The following SHROOM3 variants were observed in gnomAD, a reference collection of about 807,000 sequenced individuals.
The protein encoded by SHROOM3 is protein Shroom3.
A neutral mutation model predicts 138.6 loss-of-function variants in SHROOM3; 47 were observed. The observed-to-expected ratio is 0.34, with a 90% CI of 0.27 to 0.43. The LOEUF (loss-of-function observed/expected upper bound fraction) is 0.43. SHROOM3 is among the 20% of genes least tolerant of loss of function. SHROOM3 has a pLI of 1.00. For synonymous variants in SHROOM3, 1,062 were observed against 1,063.3 expected, an observed-to-expected ratio of 1.00 and a Z score of 0.02; for missense variants, 2,491 against 2,596.5, an observed-to-expected ratio of 0.96 and a Z score of 0.88.
chr4:76,567,679 C>A lies in SHROOM3; in HGVS notation c.323+11916C>A, dbSNP rs1733755220. 2.0e-5 allele frequency among the ~76,000 whole-genome samples: 3 copies of A among 151,956 alleles called. No individual in the cohort carries two copies. In the South Asian group the frequency reaches 6.2e-4, roughly 32 times the overall value. ...AAATTAATAAATAACTAAAAAGATT[C>A]TTTGGAATGTTTCTTTAAAGGTGTC... is the stretch of plus-strand genomic sequence containing the variant. On this transcript the variant is annotated intron_variant, in intron 2 of 10. Coordinates refer to ENST00000296043, the MANE Select transcript of SHROOM3 (RefSeq NM_020859.4).
rs1018472960 is a variant in SHROOM3 at position 76,740,626 on chromosome 4, C to T, written c.2453C>T (p.Ser818Phe). ...NYRPHRTVST[S>F]STSGNDFEET... ...AGGCCCCACAGGACCGTCTCAACTT[C>T]CAGTACTTCTGGGAATGACTTCGAG... Residue 818 changes from serine (S) to phenylalanine (F), a missense_variant, in exon 5 of 11, where the codon TCC becomes TTC. By Grantham distance (155) the Ser-to-Phe change is radical (BLOSUM62 -2). This residue lies in a region of SHROOM3 where 1,733 missense variants were observed against 1,661.6 expected (regional missense o/e 1.04). Coordinates refer to ENST00000296043, the MANE Select transcript of SHROOM3 (RefSeq NM_020859.4). This position sits in a 1 kb window ranked among gnomAD's most constrained non-coding sequence, Gnocchi z 4.0. 3 of 1,614,086 alleles carry T rather than the reference C, an allele frequency of 1.9e-6. No individual in the cohort carries two copies. The highest frequency in any genetic ancestry group is 2.5e-6 in the Non-Finnish European group (3 of 1,180,048).
At chr4:76,688,993 T>TA in intron 2 of SHROOM3, 2 of 922,504 alleles carry the variant, frequency 2.2e-6, no homozygotes, top group Non-Finnish European at 2.6e-6. Flanking sequence ...GTGAACTTTT[T>TA]ACCTTGCTTC....
intron 4 of SHROOM3, among the ~76,000 whole-genome samples, chr4:76,736,875 C>G (rs941097836): frequency 6.6e-6 from 1 of 152,276 alleles, no homozygotes; most frequent in East Asian, 1.9e-4. Flanking sequence ...TTCAGCAACC[C>G]CCACCAGAGT....
Position 76,710,172 on chromosome 4 carries a change from C to G in SHROOM3, c.340C>G (p.Pro114Ala), listed in dbSNP as rs1560598297. The stretch of plus-strand genomic sequence containing the variant: ...TGTTGACAGAGATGTGTGCACAGAC[C>G]CAGGCCATGCAGATACTGGTGCCTC... ...LVVRRDVCTDPGHADTGASNF... is the reference protein window; with the variant it reads ...LVVRRDVCTDAGHADTGASNF... Residue 114 changes from proline (P) to alanine (A), a missense_variant, in exon 3 of 11, where the codon CCA (proline) becomes GCA (alanine). Pro to Ala is a conservative substitution (Grantham distance 27). Around this residue, in one of 4 missense-constraint regions of SHROOM3, gnomAD observed 284 missense variants for 322.8 expected, o/e 0.88. Coordinates refer to ENST00000296043, the MANE Select transcript of SHROOM3 (RefSeq NM_020859.4). 1 of 1,614,026 alleles carries G rather than the reference C, an allele frequency of 6.2e-7. No individual in the cohort carries two copies. The highest frequency in any genetic ancestry group is 8.5e-7 in the Non-Finnish European group (1 of 1,179,982).
At chr4:76,685,608 T>G (rs1438930253) in intron 2 of SHROOM3, among the ~76,000 whole-genome samples, 1 of 152,176 alleles carries the variant, frequency 6.6e-6, no homozygotes, top group African/African-American at 2.4e-5. Context: ...AAAGCTTTAG[T>G]TGTAATAATA....
At chr4:76,694,854 T>C (rs1431990752) in intron 2 of SHROOM3, among the ~76,000 whole-genome samples, 1 of 152,156 alleles carries the variant, frequency 6.6e-6, no homozygotes, top group East Asian at 1.9e-4. Flanking sequence ...TTCCTCACAC[T>C]CCTATGAGGC....
chr4:76,626,829 T>TCC (rs1735158932), intron 2 of SHROOM3, among the ~76,000 whole-genome samples: 1 of 152,208 alleles, frequency 6.6e-6, no homozygotes, highest in Non-Finnish European at 1.5e-5. Context: ...TCTTCCTCAA[T>TCC]TAAAGCACTA....
At chr4:76,565,159 T>TAAAAAA (rs370033081) in intron 2 of SHROOM3, among the ~76,000 whole-genome samples, 1 of 75,684 alleles carries the variant, frequency 1.3e-5, no homozygotes, top group African/African-American at 5.1e-5. Flanking sequence ...AGACTCCATT[T>TAAAAAA]CAAAAAAAAA....
intron 1 of SHROOM3, among the ~76,000 whole-genome samples, chr4:76,485,868 A>G (rs1731718430): frequency 6.6e-6 from 1 of 152,206 alleles, no homozygotes; most frequent in Non-Finnish European, 1.5e-5. Flanking sequence ...TTAAAAAACT[A>G]AACAGAACAA....
chr4:76,453,741 T>C (rs1730973508), intron 1 of SHROOM3, among the ~76,000 whole-genome samples: 1 of 152,174 alleles, frequency 6.6e-6, no homozygotes, highest in African/African-American at 2.4e-5. Context: ...TTGCTTTTGG[T>C]TGTTGTATTG....
chr4:76,551,209 G>GA (rs1733346118), intron 1 of SHROOM3, among the ~76,000 whole-genome samples: 1 of 151,894 alleles, frequency 6.6e-6, no homozygotes, highest in African/African-American at 2.4e-5. Context: ...AGATTGTGAG[G>GA]AACTCTGTAA....
intron 4 of SHROOM3, 127 bp from the exon 5 acceptor site, chr4:76,738,634 C>T (rs1026889831): frequency 5.4e-5 from 62 of 1,157,392 alleles, no homozygotes; most frequent in Non-Finnish European, 5.5e-5. Flanking sequence ...AAATATGGCC[C>T]TTTTTACCCA....
intron 2 of SHROOM3, among the ~76,000 whole-genome samples, chr4:76,610,419 T>C (rs1734737505): frequency 6.6e-6 from 1 of 152,230 alleles, no homozygotes; most frequent in South Asian, 2.1e-4. Flanking sequence ...CTGAGAGTTT[T>C]TCTGGTTTGA....
rs1008106620 is a variant in SHROOM3 at position 76,620,560 on chromosome 4, G to T, written c.323+64797G>T. On this transcript the variant is annotated intron_variant, in intron 2 of 10. Coordinates refer to ENST00000296043, the MANE Select transcript of SHROOM3 (RefSeq NM_020859.4). ...AAGAAAGTTTTAGACGGAGGGAATG[G>T]TTGGCAATGCCAACAGCAAGGGAGT... Among the ~76,000 whole-genome samples, 5 of 152,190 alleles carry T rather than the reference G, an allele frequency of 3.3e-5. No individual in the cohort carries two copies. In the South Asian group the frequency reaches 8.3e-4, roughly 25 times the overall value.
At chr4:76,643,175 T>C (rs1479916162) in intron 2 of SHROOM3, among the ~76,000 whole-genome samples, 2 of 148,614 alleles carry the variant, frequency 1.3e-5, no homozygotes, top group East Asian at 2.0e-4. Context: ...AATTGCACCA[T>C]TGTACTCCAT....
chr4:76,518,158 ACT>A (rs1732481795), intron 1 of SHROOM3, among the ~76,000 whole-genome samples: 1 of 151,814 alleles, frequency 6.6e-6, no homozygotes, highest in African/African-American at 2.4e-5. Context: ...TGAGAGCTTG[ACT>A]CTTAAGAATC....
intron 9 of SHROOM3, among the ~76,000 whole-genome samples, chr4:76,766,433 A>G (rs1447603251): frequency 6.6e-6 from 1 of 152,122 alleles, no homozygotes; most frequent in Non-Finnish European, 1.5e-5. Context: ...TCTGCAGAGG[A>G]TGAGGTGGGA....
At chr4:76,520,487 TA>T in intron 1 of SHROOM3, among the ~76,000 whole-genome samples, 1 of 152,132 alleles carries the variant, frequency 6.6e-6, no homozygotes, top group East Asian at 1.9e-4. Context: ...ATTTTACAGA[TA>T]AGGAAACTGA....
intron 2 of SHROOM3, among the ~76,000 whole-genome samples, chr4:76,595,315 C>T (rs1734357849): frequency 6.6e-6 from 1 of 152,216 alleles, no homozygotes; most frequent in Non-Finnish European, 1.5e-5. Context: ...AGTTCCATTG[C>T]TCTGTCTGCA....
Sources: allele counts gnomAD v4.1 joint callset (sites outside exome capture counted in the v4.1 genomes callset), GRCh38; gene constraint gnomAD v4.1.1; regional missense constraint gnomAD v4.1.1; non-coding constraint Gnocchi (gnomAD v3.1); transcripts MANE v1.5; gene names NCBI Gene and HGNC (gene_info 2026-07-23, HGNC 2026-07-21).